GALNT15: variants seen among roughly 807,000 people sequenced by gnomAD.
The protein encoded by GALNT15 is polypeptide N-acetylgalactosaminyltransferase 15, also known as UDP-GalNAc transferase T15.
A neutral mutation model predicts 66.8 loss-of-function variants in GALNT15; 67 were observed. The observed-to-expected ratio is 1.00, with a 90% CI of 0.82 to 1.23. The LOEUF is 1.23. Ranked by LOEUF, GALNT15 falls within the 50% of genes most tolerant of loss-of-function variation. GALNT15 has a pLI of 0.00. For missense variants in GALNT15, 827 were observed against 804.3 expected, an observed-to-expected ratio of 1.03 and a Z score of -0.34; for synonymous variants, 313 against 311.5, an observed-to-expected ratio of 1.00 and a Z score of -0.05.
At chr3:16,221,795 C>G (rs970123592) in intron 8 of GALNT15, among the ~76,000 whole-genome samples, 1 of 152,186 alleles carries the variant, frequency 6.6e-6, no homozygotes, top group African/African-American at 2.4e-5. Flanking sequence ...GGCTTAGGTT[C>G]ACATGTGTAC....
intron 8 of GALNT15, among the ~76,000 whole-genome samples, chr3:16,221,948 A>G (rs922199540): frequency 2.0e-5 from 3 of 152,040 alleles, no homozygotes; most frequent in African/African-American, 7.3e-5. Context: ...AGTTTATTAA[A>G]CCCATCTAAG....
Position 16,219,424 on chromosome 3 carries a change from G to A in GALNT15, c.1414G>A (p.Glu472Lys), listed in dbSNP as rs1484481583. 3 of 1,614,186 alleles carry A rather than the reference G, an allele frequency of 1.9e-6. No homozygotes were observed. The highest frequency in any genetic ancestry group is 4.5e-5 in the East Asian group (2 of 44,882). Residue 472 changes from glutamate (E) to lysine (K), a missense_variant, in exon 7 of 10, where the codon GAA (glutamate) becomes AAA (lysine). Glu to Lys is a moderately conservative substitution (Grantham distance 56). Coordinates refer to ENST00000339732, the MANE Select transcript of GALNT15 (RefSeq NM_054110.5). This position sits in a 1 kb window ranked among gnomAD's most constrained non-coding sequence, Gnocchi z 4.3. ...LSKAEKPDCM[E>K]RLQLQRRLGC... is the part of the protein sequence containing the mutation. ...CCAGGCTGAGAAGCCAGACTGCATG[G>A]AACGCTTGCAGCTGCAAAGGAGACT...
chr3:16,187,351 C>T lies in GALNT15; in HGVS notation c.540-8409C>T, dbSNP rs2063528257. ...CGGACTCAGCCAGGCAGTTCTTCTG[C>T]TGATCTCCCCTGGGTTCACCCCTGT... On this transcript the variant is annotated intron_variant, in intron 1 of 9. Coordinates refer to ENST00000339732, the MANE Select transcript of GALNT15 (RefSeq NM_054110.5). This position sits in a 1 kb window ranked among gnomAD's most constrained non-coding sequence, Gnocchi z 5.1. Among the ~76,000 whole-genome samples, 1 of 152,240 alleles carries T rather than the reference C, an allele frequency of 6.6e-6. No homozygotes were observed. The highest frequency in any genetic ancestry group is 1.5e-5 in the Non-Finnish European group (1 of 68,046).
At chr3:16,206,296 T>C (rs950241519) in intron 3 of GALNT15, among the ~76,000 whole-genome samples, 1 of 151,302 alleles carries the variant, frequency 6.6e-6, no homozygotes, top group African/African-American at 2.4e-5. Flanking sequence ...GGCTGAAGAA[T>C]CCTTGGGCCT....
rs926735419 is a variant in GALNT15, at chr3:16,175,963, T to C, written c.539+273T>C. On this transcript the variant is annotated intron_variant, in intron 1 of 9. Coordinates refer to ENST00000339732, the MANE Select transcript of GALNT15 (RefSeq NM_054110.5). This position sits in a 1 kb window ranked among gnomAD's most constrained non-coding sequence, Gnocchi z 5.6. The stretch of plus-strand genomic sequence containing the variant: ...AACAAGCCCTTCAGGTGAGAATCAT[T>C]GTCCTAGAAAGCAGAAAGTGAGGAC... Among the ~76,000 whole-genome samples the C allele has an allele frequency of 6.6e-6, 1 of 152,208 alleles. No homozygotes were observed. The highest frequency in any genetic ancestry group is 6.5e-5 in the Admixed American group (1 of 15,280).
Position 16,200,866 on chromosome 3 carries a change from G to A in GALNT15, c.911+43G>A. ...CTTGCAAAGCAAGACATGGAACTGG[G>A]AGAAACAGTCTACAGCATCAGCCAC... On this transcript the variant is annotated intron_variant, in intron 3 of 9. Coordinates refer to ENST00000339732, the MANE Select transcript of GALNT15 (RefSeq NM_054110.5). The surrounding 1 kb of genome is among the most constrained non-coding windows in gnomAD (Gnocchi z 4.4). 1.3e-6 allele frequency: 2 copies of A among 1,497,002 alleles called. No homozygotes were observed. Among genetic ancestry groups the A allele is most frequent in the Non-Finnish European group, 1.8e-6 (2 of 1,101,460 alleles). The allele number at this position is 1,497,002 out of a possible 1,614,324, so 92.7% of individuals were successfully genotyped here.
chr3:16,187,350 G>T lies in GALNT15; in HGVS notation c.540-8410G>T, dbSNP rs1455393105. ...CCGGACTCAGCCAGGCAGTTCTTCT[G>T]CTGATCTCCCCTGGGTTCACCCCTG... On this transcript the variant is annotated intron_variant, in intron 1 of 9. Coordinates refer to ENST00000339732, the MANE Select transcript of GALNT15 (RefSeq NM_054110.5). The surrounding 1 kb of genome is among the most constrained non-coding windows in gnomAD (Gnocchi z 5.1). Among the ~76,000 whole-genome samples, 1 of 152,206 alleles carries T rather than the reference G, an allele frequency of 6.6e-6. No individual in the cohort carries two copies. Among genetic ancestry groups the T allele is most frequent in the Non-Finnish European group, 1.5e-5 (1 of 68,044 alleles).
At chr3:16,185,355 G>A (rs1199176681) in intron 1 of GALNT15, among the ~76,000 whole-genome samples, 1 of 152,208 alleles carries the variant, frequency 6.6e-6, no homozygotes, top group African/African-American at 2.4e-5. Flanking sequence ...CTCAGATGAA[G>A]GAAAGTATTT....
chr3:16,245,051 C>G, the GALNT15 span, among the ~76,000 whole-genome samples: 1 of 152,138 alleles, frequency 6.6e-6, no homozygotes, highest in African/African-American at 2.4e-5. Flanking sequence ...CCCTGGCTTG[C>G]TAGGACAGTT....
At position 16,219,761 on chromosome 3, in the gene GALNT15, T is replaced by C. The variant is rs998304384; in HGVS notation, c.1525-149T>C. The C allele has an allele frequency of 9.2e-6, 8 of 866,764 alleles. No individual in the cohort carries two copies. The highest frequency in any genetic ancestry group is 1.5e-5 in the Non-Finnish European group (8 of 527,634). 53.7% of individuals were successfully genotyped at this position (866,764 alleles called of 1,614,324 possible). A position where few individuals can be genotyped will look rare whatever the true frequency, so the allele number is the denominator to read the frequency against. ...CAAGAGGCCTGTCCCTTAGGGTCAG[T>C]GGCTTCAGCTTTACCACACCTGTTG... On this transcript the variant is annotated intron_variant, in intron 7 of 9. Coordinates refer to ENST00000339732, the MANE Select transcript of GALNT15 (RefSeq NM_054110.5). The surrounding 1 kb of genome is among the most constrained non-coding windows in gnomAD (Gnocchi z 4.3).
At position 16,187,077 on chromosome 3, in the gene GALNT15, A is replaced by G. The variant is rs569156755; in HGVS notation, c.540-8683A>G. 8.3e-4 allele frequency among the ~76,000 whole-genome samples: 126 copies of G among 152,258 alleles called. No individual in the cohort carries two copies. The highest frequency in any genetic ancestry group is 2.6e-3 in the African/African-American group (109 of 41,566). On this transcript the variant is annotated intron_variant, in intron 1 of 9. Coordinates refer to ENST00000339732, the MANE Select transcript of GALNT15 (RefSeq NM_054110.5). The surrounding 1 kb of genome is among the most constrained non-coding windows in gnomAD (Gnocchi z 5.1). ...TCAGGAGTTCAAGACCAGCCTGACC[A>G]ACATGGTGAAACCCCGTCTCTACAA...
Position 16,183,769 on chromosome 3 carries a change from C to T in GALNT15, c.539+8079C>T, listed in dbSNP as rs1051318428. 1.3e-5 allele frequency among the ~76,000 whole-genome samples: 2 copies of T among 152,206 alleles called. No individual in the cohort carries two copies. Among genetic ancestry groups the T allele is most frequent in the African/African-American group, 2.4e-5 (1 of 41,450 alleles). On this transcript the variant is annotated intron_variant, in intron 1 of 9. Transcript: ENST00000339732. The surrounding 1 kb of genome is among the most constrained non-coding windows in gnomAD (Gnocchi z 5.2). ...AGGAAACCTGGCAGAAACCTTTCTA[C>T]TCTGGCCAGGCAAGGGGAGGGAGGG...
At chr3:16,198,836 C>T (rs1428205818) in intron 2 of GALNT15, among the ~76,000 whole-genome samples, 1 of 141,570 alleles carries the variant, frequency 7.1e-6, no homozygotes, top group Non-Finnish European at 1.6e-5. Flanking sequence ...CTGCTGGGGG[C>T]TCTCGGGTGG....
rs181721862 is a variant in GALNT15, at chr3:16,188,903, A to T, written c.540-6857A>T. On this transcript the variant is annotated intron_variant, in intron 1 of 9. Coordinates refer to ENST00000339732, the MANE Select transcript of GALNT15 (RefSeq NM_054110.5). This position sits in a 1 kb window ranked among gnomAD's most constrained non-coding sequence, Gnocchi z 4.6. ...TGTGTCCTCTCTCTCCAAGGTCCTC[A>T]TGATGACATGAGGAGCCCAGGGTTC... 9.2e-5 allele frequency among the ~76,000 whole-genome samples: 14 copies of T among 152,196 alleles called. No individual in the cohort carries two copies. Among genetic ancestry groups the T allele is most frequent in the African/African-American group, 3.4e-4 (14 of 41,520 alleles).
chr3:16,201,923 A>T (rs1165400083), intron 3 of GALNT15, among the ~76,000 whole-genome samples: 1 of 152,228 alleles, frequency 6.6e-6, no homozygotes, highest in Non-Finnish European at 1.5e-5. Context: ...TCATGTAGGC[A>T]TGTAGCAGAG....
chr3:16,226,891 C>T (rs2064026259), intron 9 of GALNT15, among the ~76,000 whole-genome samples: 1 of 152,210 alleles, frequency 6.6e-6, no homozygotes, highest in Non-Finnish European at 1.5e-5. Flanking sequence ...GTCTTCTGAA[C>T]ATGGCTGGTT....
intron 9 of GALNT15, among the ~76,000 whole-genome samples, chr3:16,226,069 C>T (rs1451686746): frequency 6.7e-6 from 1 of 150,176 alleles, no homozygotes; most frequent in African/African-American, 2.4e-5. Context: ...AAAAAAATTA[C>T]ACAAAGTGAA....
At chr3:16,236,584 G>A (rs568642132), downstream of GALNT15, among the ~76,000 whole-genome samples, 3 of 152,238 alleles carry the variant, frequency 2.0e-5, no homozygotes, top group East Asian at 1.9e-4. Flanking sequence ...TATTACCAGC[G>A]AAATAGTGAA....
intron 9 of GALNT15, among the ~76,000 whole-genome samples, chr3:16,223,166 T>C (rs1435628207): frequency 6.6e-6 from 1 of 152,208 alleles, no homozygotes; most frequent in Non-Finnish European, 1.5e-5. Flanking sequence ...GATGTAGATG[T>C]AAATATATAG....
Sources: allele counts gnomAD v4.1 joint callset (sites outside exome capture counted in the v4.1 genomes callset), GRCh38; gene constraint gnomAD v4.1.1; non-coding constraint Gnocchi (gnomAD v3.1); transcripts MANE v1.5; gene names NCBI Gene and HGNC (gene_info 2026-07-23, HGNC 2026-07-21).